Variants in RBFOX1 observed in about 807,000 individuals in gnomAD.
RBFOX1 encodes the protein RNA binding fox-1 homolog 1, also known as RNA binding protein fox-1 homolog 1.
A neutral mutation model predicts 57.7 loss-of-function variants in RBFOX1; 8 were observed. The observed-to-expected ratio is 0.14, with a 90% CI of 0.08 to 0.25. RBFOX1 has a LOEUF of 0.25. Ranked by LOEUF, RBFOX1 falls within the 10% of genes least tolerant of loss-of-function variation. RBFOX1 has a pLI of 1.00. For missense variants in RBFOX1, 611 were observed against 548.5 expected (o/e 1.11, Z -1.14); for synonymous variants, 326 against 222.4 (o/e 1.47, Z -4.15).
Position 6,139,686 on chromosome 16 carries a change from T to C in RBFOX1, c.-127+119694T>C, listed in dbSNP as rs141917834. On this transcript the variant is annotated intron_variant, in intron 1 of 15. Coordinates refer to ENST00000550418, the MANE Select transcript of RBFOX1 (RefSeq NM_018723.4). The stretch of plus-strand genomic sequence containing the variant: ...AATATAGATTGGCTTGGCCATGCCA[T>C]CTTTTCTCTACTAGCCTCTTTCTTG... 1.6e-3 allele frequency among the ~76,000 whole-genome samples: 240 copies of C among 152,350 alleles called. 2 individuals are homozygous for C. The highest frequency in any genetic ancestry group is 0.014 in the Middle Eastern group (4 of 294).
chr16:7,372,032 T>G (rs1295474969), intron 4 of RBFOX1, among the ~76,000 whole-genome samples: 2 of 152,142 alleles, frequency 1.3e-5, no homozygotes, highest in African/African-American at 4.8e-5. Flanking sequence ...TAGAGATATT[T>G]AAATAAAACA....
chr16:7,042,590 G>T (rs1467039731), intron 3 of RBFOX1, among the ~76,000 whole-genome samples: 2 of 152,162 alleles, frequency 1.3e-5, no homozygotes, highest in Non-Finnish European at 1.5e-5. Context: ...TACAAACATT[G>T]GATACATTTT....
intron 1 of RBFOX1, among the ~76,000 whole-genome samples, chr16:5,269,904 C>G (rs2062961930): frequency 6.6e-6 from 1 of 152,270 alleles, no homozygotes; most frequent in African/African-American, 2.4e-5. Context: ...CCTGAAATCC[C>G]AGTGCTTTGG....
chr16:5,706,508 G>A (rs1441732128), intron 3 of RBFOX1, among the ~76,000 whole-genome samples: 2 of 152,168 alleles, frequency 1.3e-5, no homozygotes, highest in Admixed American at 6.5e-5. Flanking sequence ...TCCTGGGTGG[G>A]AGAAAGTTAG....
At chr16:6,609,616 C>G (rs2098009901) in intron 2 of RBFOX1, among the ~76,000 whole-genome samples, 1 of 152,062 alleles carries the variant, frequency 6.6e-6, no homozygotes, top group Non-Finnish European at 1.5e-5. Context: ...TTGTTTATTT[C>G]TTTACTGGAT....
intron 3 of RBFOX1, among the ~76,000 whole-genome samples, chr16:6,936,562 T>C (rs532194400): frequency 2.0e-5 from 3 of 152,136 alleles, no homozygotes; most frequent in Non-Finnish European, 4.4e-5. Context: ...ATTTTTTTCA[T>C]TGCTTAATTG....
At chr16:6,162,361 T>G (rs181867604) in intron 1 of RBFOX1, among the ~76,000 whole-genome samples, 6 of 152,174 alleles carry the variant, frequency 3.9e-5, no homozygotes, top group African/African-American at 1.4e-4. Flanking sequence ...GTGATCCACC[T>G]GCTTCCGCCT....
At chr16:6,673,241 G>A (rs2098778946) in intron 3 of RBFOX1, among the ~76,000 whole-genome samples, 1 of 152,028 alleles carries the variant, frequency 6.6e-6, no homozygotes, top group Non-Finnish European at 1.5e-5. Context: ...TCCACTCTCT[G>A]ATCCCAAAGG....
chr16:7,589,181 C>A (rs2094302093), intron 7 of RBFOX1, among the ~76,000 whole-genome samples: 2 of 152,180 alleles, frequency 1.3e-5, no homozygotes, highest in Non-Finnish European at 2.9e-5. Flanking sequence ...CGAATGTTGA[C>A]CAACTTCGTT....
Position 7,712,357 on chromosome 16 carries a change from C to A in RBFOX1, c.*1612C>A, listed in dbSNP as rs550685512. On this transcript the variant is annotated 3_prime_UTR_variant, in exon 16 of 16. Transcript: ENST00000550418. The stretch of plus-strand genomic sequence containing the variant: ...TCTCACCGCTGTGAACCTGCCAATC[C>A]GCTGTAACAACTCTGCTTTAAAACA... 1 of 152,538 alleles carries A rather than the reference C, an allele frequency of 6.6e-6. No homozygotes were observed. Among genetic ancestry groups the A allele is most frequent in the African/African-American group, 2.4e-5 (1 of 41,416 alleles). 9.4% of individuals were successfully genotyped at this position (152,538 alleles called of 1,614,324 possible). A position where few individuals can be genotyped will look rare whatever the true frequency, so the allele number is the denominator to read the frequency against.
intron 2 of RBFOX1, among the ~76,000 whole-genome samples, chr16:6,585,564 T>C (rs2097597488): frequency 6.6e-6 from 1 of 152,228 alleles, no homozygotes; most frequent in African/African-American, 2.4e-5. Flanking sequence ...ATCTGTTTAA[T>C]TCACTGCGGT....
intron 2 of RBFOX1, among the ~76,000 whole-genome samples, chr16:5,561,319 A>T (rs758724625): frequency 1.3e-5 from 2 of 152,166 alleles, no homozygotes; most frequent in African/African-American, 4.8e-5. Flanking sequence ...TGTATTTCAG[A>T]TACTTATAAT....
At chr16:6,895,586 T>C (rs573573256) in intron 3 of RBFOX1, among the ~76,000 whole-genome samples, 2 of 150,954 alleles carry the variant, frequency 1.3e-5, no homozygotes, top group South Asian at 2.1e-4. Flanking sequence ...TTCAGAAAAT[T>C]TTTTTAAAGG....
At chr16:5,954,593 G>C (rs530480342) in intron 4 of RBFOX1, among the ~76,000 whole-genome samples, 1 of 152,154 alleles carries the variant, frequency 6.6e-6, no homozygotes, top group African/African-American at 2.4e-5. Context: ...AAAGGGCATT[G>C]TTTTGTGGTG....
intron 4 of RBFOX1, among the ~76,000 whole-genome samples, chr16:7,470,345 G>T (rs1723799314): frequency 6.6e-6 from 1 of 152,198 alleles, no homozygotes; most frequent in Admixed American, 6.5e-5. Flanking sequence ...CCTGGTTCAT[G>T]TGACATGCTC....
chr16:7,001,816 G>T (rs185257118), intron 3 of RBFOX1, among the ~76,000 whole-genome samples: 51 of 152,230 alleles, frequency 3.4e-4, no homozygotes, highest in Middle Eastern at 3.4e-3. Context: ...GGGAGATTTT[G>T]TGAACATCTT....
intron 3 of RBFOX1, among the ~76,000 whole-genome samples, chr16:7,049,303 G>A (rs2049122729): frequency 6.6e-6 from 1 of 152,140 alleles, no homozygotes; most frequent in African/African-American, 2.4e-5. Context: ...GCAATGGGAG[G>A]TGGGAGTTGT....
intron 3 of RBFOX1, among the ~76,000 whole-genome samples, chr16:7,010,533 T>TC (rs1483322171): frequency 3.5e-5 from 5 of 142,518 alleles, no homozygotes; most frequent in East Asian, 2.0e-4. Flanking sequence ...TGATCACATC[T>TC]CCCCTTTTTT....
At chr16:7,440,121 C>T (rs2098755057) in intron 4 of RBFOX1, among the ~76,000 whole-genome samples, 1 of 151,896 alleles carries the variant, frequency 6.6e-6, no homozygotes, top group Non-Finnish European at 1.5e-5. Flanking sequence ...GTCTCGAACT[C>T]CTGGGCTCAA....
Sources: allele counts gnomAD v4.1 joint callset (sites outside exome capture counted in the v4.1 genomes callset), GRCh38; gene constraint gnomAD v4.1.1; transcripts MANE v1.5; gene names NCBI Gene and HGNC (gene_info 2026-07-23, HGNC 2026-07-21).